The following DST variants were observed in gnomAD, a reference collection of about 807,000 sequenced individuals.
DST encodes the protein bullous pemphigoid antigen.
DST carries 253 observed loss-of-function variants against 875.2 expected under a neutral mutation model. The observed-to-expected ratio is 0.29, with a 90% CI of 0.26 to 0.32. The LOEUF is 0.32. Among genes scored for constraint, DST ranks in the 10% least tolerant of loss-of-function variants. The pLI, the probability that DST is intolerant of heterozygous loss-of-function variation, is 1.00. For missense variants in DST, 8,287 were observed against 9,111.6 expected, an observed-to-expected ratio of 0.91 and a Z score of 3.68; for synonymous variants, 3,124 against 3,197.1, an observed-to-expected ratio of 0.98 and a Z score of 0.77.
chr6:56,854,001 T>C (rs1300955250), intron 3 of DST, among the ~76,000 whole-genome samples: 1 of 152,222 alleles, frequency 6.6e-6, no homozygotes, highest in African/African-American at 2.4e-5. Flanking sequence ...CCAAGTGTTT[T>C]AACAATTAAA....
chr6:56,954,195 C>T (rs542750836), intron 1 of DST, among the ~76,000 whole-genome samples: 29 of 152,304 alleles, frequency 1.9e-4, no homozygotes, highest in Non-Finnish European at 2.9e-4. Context: ...TCCCTGCCCT[C>T]GGCATCGCCG....
intron 4 of DST, among the ~76,000 whole-genome samples, chr6:56,771,092 T>C (rs767739757): frequency 3.3e-5 from 5 of 151,460 alleles, no homozygotes; most frequent in Non-Finnish European, 7.4e-5. Flanking sequence ...TTTATAAACA[T>C]ATCTCTTCTG....
At position 56,557,433 on chromosome 6, in the gene DST, C is replaced by A. The variant is rs1187685636; in HGVS notation, c.14526G>T (p.Gln4842His). Reference protein sequence around the residue: ...EESSNNLTQFQTVEAQLKQWL... With the variant: ...EESSNNLTQFHTVEAQLKQWL... ...ACTGTTTCAATTGGGCCTCTACAGT[C>A]TGGAACTGGGTTAGATTATTGGAGG... Residue 4842 changes from glutamine (Q) to histidine (H), a missense_variant, in exon 59 of 104, where the codon CAG becomes CAT. Around this residue, in one of 10 missense-constraint regions of DST, gnomAD observed 1,513 missense variants for 1,677.8 expected, o/e 0.90. Transcript: ENST00000680361. The A allele has an allele frequency of 6.2e-7, 1 of 1,613,682 alleles. No homozygotes were observed. The highest frequency in any genetic ancestry group is 1.7e-5 in the Admixed American group (1 of 60,010).
At position 56,735,233 on chromosome 6, in the gene DST, T is replaced by A; in HGVS notation, c.682A>T (p.Met228Leu). ...TGAACGAAATAAAAACTGACCTTCA[T>A]GAGATGCTGATTTATCCATTTTGTA... ...TFTKWINQHL[M>L]KVRKHVNDLY... Residue 228 changes from methionine to leucine, a missense_variant, in exon 5 of 104, where the codon ATG (methionine) becomes TTG (leucine). Met to Leu is a conservative substitution (Grantham distance 15). Transcript: ENST00000680361. 6.5e-7 allele frequency: 1 copy of A among 1,530,980 alleles called. No individual in the cohort carries two copies. Among genetic ancestry groups the A allele is most frequent in the Non-Finnish European group, 8.9e-7 (1 of 1,127,856 alleles). 94.8% of individuals were successfully genotyped at this position (1,530,980 alleles called of 1,614,324 possible).
At chr6:56,753,436 C>T (rs982613356) in intron 4 of DST, among the ~76,000 whole-genome samples, 2 of 152,196 alleles carry the variant, frequency 1.3e-5, no homozygotes, top group African/African-American at 4.8e-5. Context: ...GCTAAAGCAA[C>T]AGTCTTATTA....
chr6:56,544,793 T>C (rs915792707), intron 61 of DST, among the ~76,000 whole-genome samples: 1 of 152,168 alleles, frequency 6.6e-6, no homozygotes. Flanking sequence ...CTATTAAAAT[T>C]TGTCACAATA....
chr6:56,735,421 T>C (rs775293917), intron 4 of DST, 132 bp from the exon 5 acceptor site: 7 of 651,016 alleles, frequency 1.1e-5, no homozygotes, highest in Non-Finnish European at 1.8e-5. Context: ...TCTTGTTAAA[T>C]TTTGGCAACT....
chr6:56,589,341 C>T (rs905627158), intron 49 of DST, among the ~76,000 whole-genome samples: 3 of 152,040 alleles, frequency 2.0e-5, no homozygotes, highest in African/African-American at 7.2e-5. Flanking sequence ...TAATTCCTAG[C>T]AAGTATCAAG....
rs771314105 is a variant in DST, at chr6:56,581,051, TAAAAAAAAAAAA to T, written c.12904-2126_12904-2115del. 4.4e-5 allele frequency among the ~76,000 whole-genome samples: 4 copies of T among 90,696 alleles called. No homozygotes were observed. The East Asian group carries it at 8.8e-4, about 20-fold the overall frequency. 59.5% of individuals were successfully genotyped at this position (90,696 alleles called of 152,430 possible). A position where few individuals can be genotyped will look rare whatever the true frequency, so the allele number is the denominator to read the frequency against. On this transcript the variant is annotated intron_variant, in intron 49 of 103. Coordinates refer to ENST00000680361, the MANE Select transcript of DST (RefSeq NM_001374736.1). ...CTCCCAGCCAATTAGTGGCATTTAT[TAAAAAAAAAAAA>T]AAAAAAAAAAAAAGTGAGAGCAAGC... is the stretch of plus-strand genomic sequence containing the variant.
chr6:56,799,290 G>A (rs941914069), intron 4 of DST, among the ~76,000 whole-genome samples: 2 of 152,054 alleles, frequency 1.3e-5, no homozygotes, highest in Non-Finnish European at 2.9e-5. Flanking sequence ...AGGAGTTCTG[G>A]GTGGTAGTGA....
chr6:56,635,653 C>T lies in DST; in HGVS notation c.3122G>A (p.Arg1041Gln), dbSNP rs762435098. ...GCTTGATCTATCACAGCTGTACTTC[C>T]GCTGAATGGCATCTTTTAGATTCCT... Reference protein sequence around the residue: ...YLRNLKDAIQRKYSCDRSSSI... With the variant: ...YLRNLKDAIQQKYSCDRSSSI... The change falls in exon 24 of 104, where the codon CGG (arginine) becomes CAG (glutamine). Residue 1041 changes from arginine (R) to glutamine (Q), a missense_variant. Arg to Gln is a conservative substitution (Grantham distance 43, BLOSUM62 1). This residue lies in a region of DST where 1,160 missense variants were observed against 1,424.3 expected (regional missense o/e 0.81). Transcript: ENST00000680361. 5.0e-6 allele frequency: 8 copies of T among 1,613,808 alleles called. No individual in the cohort carries two copies. The highest frequency in any genetic ancestry group is 3.3e-5 in the South Asian group (3 of 91,078).
intron 103 of DST, 150 bp from the exon 104 acceptor site, chr6:56,459,417 A>G (rs2094206273): frequency 9.1e-6 from 7 of 771,608 alleles, no homozygotes; most frequent in Non-Finnish European, 1.4e-5. Flanking sequence ...GCCTTTCTCT[A>G]TTACACAAGG....
chr6:56,810,876 C>G (rs973812835), intron 4 of DST, among the ~76,000 whole-genome samples: 1 of 151,904 alleles, frequency 6.6e-6, no homozygotes, highest in African/African-American at 2.4e-5. Flanking sequence ...AGCAAAAAAC[C>G]TGGGAGAAAA....
intron 4 of DST, among the ~76,000 whole-genome samples, chr6:56,771,884 G>A (rs2099666976): frequency 6.6e-6 from 1 of 152,094 alleles, no homozygotes. Context: ...TTCTAACCAG[G>A]AGAAAAATCC....
chr6:56,486,672 T>C (rs944358026), intron 87 of DST, among the ~76,000 whole-genome samples: 1 of 152,118 alleles, frequency 6.6e-6, no homozygotes, highest in African/African-American at 2.4e-5. Flanking sequence ...CAGTGGTACC[T>C]TGCACGTCAC....
intron 60 of DST, 133 bp downstream of exon 60, chr6:56,555,212 T>C (rs1161507668): frequency 1.0e-6 from 1 of 962,550 alleles, no homozygotes; most frequent in African/African-American, 1.6e-5. Flanking sequence ...CCTGTATTCA[T>C]CCTCCTCTTC....
chr6:56,934,560 T>TTTTATATATATATA lies in DST; in HGVS notation c.216+19224_216+19225insTATATATATATAAA, dbSNP rs869186436. On this transcript the variant is annotated intron_variant, in intron 2 of 103. Coordinates refer to ENST00000680361, the MANE Select transcript of DST (RefSeq NM_001374736.1). ...TAAAATATACATATTATATATTATA[T>TTTTATATATATATA]TATATATATATATATATATATATAT... Among the ~76,000 whole-genome samples, 207 of 106,472 alleles carry TTTTATATATATATA rather than the reference T, an allele frequency of 1.9e-3. 7 individuals are homozygous for TTTTATATATATATA. Among genetic ancestry groups the TTTTATATATATATA allele is most frequent in the Non-Finnish European group, 2.2e-3 (114 of 52,312 alleles). 69.8% of individuals were successfully genotyped at this position (106,472 alleles called of 152,430 possible). A position where few individuals can be genotyped will look rare whatever the true frequency, so the allele number is the denominator to read the frequency against.
intron 49 of DST, among the ~76,000 whole-genome samples, chr6:56,582,906 C>A (rs1329920222): frequency 2.6e-5 from 4 of 152,060 alleles, no homozygotes; most frequent in African/African-American, 9.7e-5. Flanking sequence ...TCATCCATGT[C>A]CCTACAAAGG....
intron 24 of DST, among the ~76,000 whole-genome samples, 195 bp downstream of exon 24, chr6:56,635,394 A>G (rs2098815358): frequency 6.6e-6 from 1 of 152,140 alleles, no homozygotes; most frequent in Admixed American, 6.5e-5. Flanking sequence ...ATCTTAAAAT[A>G]TCAAAGCTAT....
Sources: gnomAD v4.1 joint callset for allele counts (sites outside exome capture counted in the v4.1 genomes callset) on GRCh38, gnomAD v4.1.1 for gene constraint, gnomAD v4.1.1 regional missense constraint, MANE v1.5 for transcripts, NCBI Gene and HGNC (gene_info 2026-07-23, HGNC 2026-07-21) for gene names.